Variants in C20orf173 observed in about 807,000 individuals in gnomAD.
C20orf173 encodes uncharacterized protein C20orf173.
In C20orf173, 22 loss-of-function variants were observed where a neutral mutation model predicts 26.7. The ratio of observed to expected loss-of-function variants is 0.82; its 90% CI spans 0.59 to 1.18. The LOEUF is 1.18. Among genes scored for constraint, C20orf173 ranks in the 50% most tolerant of loss-of-function variants. The probability of loss-of-function intolerance (pLI) is 0.00; values close to 1 mark genes in which losing one functional copy is unlikely to be tolerated. For synonymous variants in C20orf173, 85 were observed against 96.4 expected (o/e 0.88, Z 0.69); for missense variants, 210 against 250.3 (o/e 0.84, Z 1.09).
downstream of C20orf173, among the ~76,000 whole-genome samples, chr20:35,526,628 CAAAAAAA>C (rs1286748298): frequency 1.1e-4 from 6 of 53,554 alleles, no homozygotes; most frequent in South Asian, 6.3e-4. Context: ...ACTCTTGTCT[CAAAAAAA>C]AAAAAAAAAA....
chr20:35,528,579 C>T (rs1191932677), intron 3 of C20orf173, 35 bp from the exon 4 acceptor site: 2 of 1,550,234 alleles, frequency 1.3e-6, no homozygotes, highest in Non-Finnish European at 1.7e-6. Context: ...TGGTTTGGTT[C>T]CCCACGTCCA....
At chr20:35,522,155 C>G (rs139532067), downstream of C20orf173, 1 of 152,808 alleles carries the variant, frequency 6.5e-6, no homozygotes, top group African/African-American at 2.4e-5. Flanking sequence ...TCATGTTGTC[C>G]TACCACTTTC....
At chr20:35,524,843 C>T (rs1004430946), downstream of C20orf173, among the ~76,000 whole-genome samples, 2 of 151,810 alleles carry the variant, frequency 1.3e-5, no homozygotes, top group African/African-American at 4.8e-5. Flanking sequence ...GGATTACAGG[C>T]GTGCACCACC....
chr20:35,528,611 G>A lies in C20orf173; in HGVS notation c.489-67C>T, dbSNP rs529193771. On this transcript the variant is annotated intron_variant, in intron 3 of 5. Coordinates refer to ENST00000444723, the MANE Select transcript of C20orf173 (RefSeq NM_001145350.2). ...TCCATCTCAAAGCCCTGGACTTGGG[G>A]CCTGCTTCATCTTGGGAAGGGGAGC... is the stretch of plus-strand genomic sequence containing the variant. 3.3e-4 allele frequency: 503 copies of A among 1,546,646 alleles called. 1 individual carries two copies. The African/African-American group carries it at 5.9e-3, about 18-fold the overall frequency.
downstream of C20orf173, among the ~76,000 whole-genome samples, chr20:35,524,442 TA>T (rs1422499182): frequency 1.3e-5 from 2 of 152,182 alleles, no homozygotes; most frequent in Non-Finnish European, 2.9e-5. Flanking sequence ...CAAGTTACAA[TA>T]AGCATAGTGA....
At position 35,529,294 on chromosome 20, in the gene C20orf173, G is replaced by A; in HGVS notation, c.80C>T (p.Thr27Ile). Residue 27 changes from threonine (T) to isoleucine (I), a missense_variant, in exon 2 of 6, where the codon ACA becomes ATA. Coordinates refer to ENST00000444723, the MANE Select transcript of C20orf173 (RefSeq NM_001145350.2). Reference protein sequence around the residue: ...LWLMTPYLDLTPESAPQEKRM... With the variant: ...LWLMTPYLDLIPESAPQEKRM... ...TTTTTCCTGGGGTGCTGATTCAGGTGTCAGATCCAGATAGGGGGTCATCAG... is the reference window on the plus strand; with the variant it reads ...TTTTTCCTGGGGTGCTGATTCAGGTATCAGATCCAGATAGGGGGTCATCAG... The A allele has an allele frequency of 2.6e-6, 4 of 1,551,490 alleles. No individual in the cohort carries two copies. The highest frequency in any genetic ancestry group is 1.7e-6 in the Non-Finnish European group (2 of 1,146,986).
downstream of C20orf173, chr20:35,523,334 G>C (rs1454560966): frequency 6.6e-6 from 1 of 152,210 alleles, no homozygotes; most frequent in Non-Finnish European, 1.5e-5. Context: ...TGGCCCTGAT[G>C]ATGGTGCCCC....
At chr20:35,522,320 C>T (rs551077569), downstream of C20orf173, 2 of 152,582 alleles carry the variant, frequency 1.3e-5, no homozygotes, top group Non-Finnish European at 2.9e-5. Context: ...TGGGGGTGCC[C>T]CAGTATCCAG....
At chr20:35,526,174 A>C (rs1241078075), downstream of C20orf173, among the ~76,000 whole-genome samples, 2 of 152,200 alleles carry the variant, frequency 1.3e-5, no homozygotes, top group African/African-American at 4.8e-5. Flanking sequence ...CTGGAATGCC[A>C]CCACTGCTGC....
intron 5 of C20orf173, 101 bp from the exon 6 acceptor site, chr20:35,527,351 G>T (rs1259712202): frequency 2.0e-5 from 3 of 152,050 alleles, no homozygotes; most frequent in East Asian, 3.9e-4. Context: ...GTCCCTGGGA[G>T]CTGGGAGGAG....
downstream of C20orf173, chr20:35,526,868 T>G (rs541921349): frequency 1.3e-5 from 2 of 152,314 alleles, no homozygotes; most frequent in East Asian, 3.9e-4. Context: ...TCTAAACTTA[T>G]ACCTCCTACA....
downstream of C20orf173, among the ~76,000 whole-genome samples, chr20:35,525,794 A>G (rs1047732033): frequency 2.0e-5 from 3 of 152,240 alleles, no homozygotes; most frequent in Non-Finnish European, 2.9e-5. Flanking sequence ...GGGCTACCCC[A>G]TAGGCAGTGT....
chr20:35,525,057 G>A (rs550772863), downstream of C20orf173, among the ~76,000 whole-genome samples: 11 of 151,312 alleles, frequency 7.3e-5, no homozygotes, highest in Non-Finnish European at 1.2e-4. Context: ...TTCTAAGTTT[G>A]CATGTCTAGA....
At chr20:35,527,735 C>T (rs931231203) in intron 5 of C20orf173, among the ~76,000 whole-genome samples, 2 of 152,300 alleles carry the variant, frequency 1.3e-5, no homozygotes, top group Admixed American at 6.5e-5. Context: ...TCTTCTACCT[C>T]AGCCTCCCGA....
chr20:35,526,263 T>C (rs566998060), downstream of C20orf173, among the ~76,000 whole-genome samples: 2 of 152,142 alleles, frequency 1.3e-5, no homozygotes, highest in Non-Finnish European at 2.9e-5. Flanking sequence ...GGAAGAGCAG[T>C]TCATTTCCCC....
chr20:35,521,046 G>C (rs1190133889), downstream of C20orf173: 1 of 152,506 alleles, frequency 6.6e-6, no homozygotes, highest in African/African-American at 2.4e-5. Context: ...CTGGTATTCT[G>C]CTGGGAAATT....
At chr20:35,523,755 A>C (rs1158457943), downstream of C20orf173, among the ~76,000 whole-genome samples, 1 of 152,170 alleles carries the variant, frequency 6.6e-6, no homozygotes, top group African/African-American at 2.4e-5. Context: ...TCCAGGGGAC[A>C]GGAGGGCACA....
downstream of C20orf173, among the ~76,000 whole-genome samples, chr20:35,521,567 G>A (rs545787747): frequency 6.6e-6 from 1 of 152,046 alleles, no homozygotes; most frequent in African/African-American, 2.4e-5. Context: ...TGAAAGCTAG[G>A]CAGAAAGTTT....
At chr20:35,526,436 G>C (rs989136824), downstream of C20orf173, among the ~76,000 whole-genome samples, 54 of 152,026 alleles carry the variant, frequency 3.6e-4, no homozygotes, top group Non-Finnish European at 5.9e-5. Context: ...GGCCATCCTG[G>C]CCAACATGGC....
Sources: allele counts gnomAD v4.1 joint callset (sites outside exome capture counted in the v4.1 genomes callset), GRCh38; gene constraint gnomAD v4.1.1; transcripts MANE v1.5; gene names NCBI Gene and HGNC (gene_info 2026-07-23, HGNC 2026-07-21).